Variants in FDFT1 observed in about 807,000 individuals in gnomAD.
The protein encoded by FDFT1 is squalene synthase.
Under a neutral mutation model 46.8 loss-of-function variants are expected in FDFT1, and 68 were observed. That is an observed-to-expected ratio of 1.45 (90% CI 1.19 to 1.78). The LOEUF is 1.78. Ranked by LOEUF, FDFT1 falls within the 40% of genes most tolerant of loss-of-function variation. The probability of loss-of-function intolerance (pLI) is 0.00; values close to 1 mark genes in which losing one functional copy is unlikely to be tolerated. For missense variants in FDFT1, 928 were observed against 524.4 expected, an observed-to-expected ratio of 1.77 and a Z score of -7.52; for synonymous variants, 351 against 185.1, an observed-to-expected ratio of 1.90 and a Z score of -7.28.
At chr8:11,810,775 C>T (rs578161480) in intron 3 of FDFT1, among the ~76,000 whole-genome samples, 1 of 151,792 alleles carries the variant, frequency 6.6e-6, no homozygotes, top group African/African-American at 2.4e-5. Context: ...CTCGAAGAAG[C>T]CCTTTTTGTC....
At chr8:11,806,081 G>T (rs540490725) in intron 1 of FDFT1, among the ~76,000 whole-genome samples, 2 of 152,284 alleles carry the variant, frequency 1.3e-5, no homozygotes, top group African/African-American at 4.8e-5. Flanking sequence ...GCTCCGTGGA[G>T]GGCTGGTAGC....
intron 1 of FDFT1, chr8:11,808,440 C>A: frequency 7.9e-7 from 1 of 1,269,338 alleles, no homozygotes; most frequent in Non-Finnish European, 9.9e-7. Context: ...GAGGGCGAGC[C>A]CGTCCCGCCC....
intron 1 of FDFT1, chr8:11,808,221 G>A (rs1173118966): frequency 2.6e-6 from 3 of 1,165,520 alleles, no homozygotes; most frequent in Middle Eastern, 3.4e-4. Context: ...TTTCAGCGGA[G>A]CCCGAGTAGA....
At chr8:11,802,497 A>T, upstream of FDFT1, 3 of 495,772 alleles carry the variant, frequency 6.1e-6, no homozygotes, top group South Asian at 3.1e-5. Flanking sequence ...TCAGGGCACC[A>T]ATCCCGCTCG....
intron 3 of FDFT1, among the ~76,000 whole-genome samples, chr8:11,813,954 C>G (rs539858420): frequency 1.3e-5 from 2 of 152,188 alleles, no homozygotes; most frequent in East Asian, 3.8e-4. Context: ...TTGTCACTTT[C>G]TCCTGTATAT....
chr8:11,806,714 G>GAGCT (rs1407041036), intron 1 of FDFT1, among the ~76,000 whole-genome samples: 1 of 152,158 alleles, frequency 6.6e-6, no homozygotes, highest in African/African-American at 2.4e-5. Flanking sequence ...GCTATGTGAA[G>GAGCT]AGCTGCTCTG....
chr8:11,797,954 C>G (rs148984820), upstream of FDFT1: 1 of 152,338 alleles, frequency 6.6e-6, no homozygotes, highest in South Asian at 2.1e-4. Context: ...GATGTAGATG[C>G]CAAATGGCAA....
chr8:11,820,964 G>C (rs1809156339), intron 3 of FDFT1, among the ~76,000 whole-genome samples: 1 of 152,242 alleles, frequency 6.6e-6, no homozygotes, highest in Non-Finnish European at 1.5e-5. Flanking sequence ...CTTGCTGGGA[G>C]CTGTAGACCA....
chr8:11,800,340 G>GA (rs75154361), upstream of FDFT1, among the ~76,000 whole-genome samples: 25,963 of 146,436 alleles, frequency 0.18, 2,751 homozygotes, highest in East Asian at 0.5. Context: ...ACTTCCTGCA[G>GA]AAAGGGTACA....
At chr8:11,808,407 TCGGCCCAGCG>T (rs1807179122) in intron 1 of FDFT1, 1 of 1,237,132 alleles carries the variant, frequency 8.1e-7, no homozygotes, top group Non-Finnish European at 1.0e-6. Context: ...CCGTTGTGGG[TCGGCCCAGCG>T]CGTATTCGAG....
intron 1 of FDFT1, among the ~76,000 whole-genome samples, chr8:11,804,435 C>T (rs1806545556): frequency 6.6e-6 from 1 of 151,996 alleles, no homozygotes; most frequent in South Asian, 2.1e-4. Flanking sequence ...GAGACTTGAG[C>T]TATTCTAGCT....
At chr8:11,820,733 T>G (rs894436443) in intron 3 of FDFT1, among the ~76,000 whole-genome samples, 14 of 152,212 alleles carry the variant, frequency 9.2e-5, no homozygotes, top group Admixed American at 7.9e-4. Flanking sequence ...AAAAGCACAG[T>G]ATTTGGGCAG....
intron 1 of FDFT1, among the ~76,000 whole-genome samples, chr8:11,804,024 G>A (rs1176444500): frequency 6.6e-6 from 1 of 152,162 alleles, no homozygotes; most frequent in Non-Finnish European, 1.5e-5. Flanking sequence ...TTTAGATATA[G>A]CATTCATTTA....
rs891345168 is a variant in FDFT1, at chr8:11,812,754, C to G, written c.381+2904C>G. Among the ~76,000 whole-genome samples, 14 of 152,192 alleles carry G rather than the reference C, an allele frequency of 9.2e-5. 1 individual carries two copies. The highest frequency in any genetic ancestry group is 1.9e-4 in the Non-Finnish European group (13 of 68,040). On this transcript the variant is annotated intron_variant, in intron 3 of 7. Transcript: ENST00000220584. ...AATAAGCCTCAATACAGTGTTCTAA[C>G]CCAGTGACTTCCGCCTCGATGTACA...
chr8:11,808,315 C>T (rs1158898830), intron 1 of FDFT1: 68 of 1,230,988 alleles, frequency 5.5e-5, no homozygotes, highest in African/African-American at 1.1e-4. Flanking sequence ...CCAGTGGGTT[C>T]TGGTGAGAAG....
At position 11,802,947 on chromosome 8, in the gene FDFT1, C is replaced by A; in HGVS notation, c.99+16C>A. 1 of 1,587,930 alleles carries A rather than the reference C, an allele frequency of 6.3e-7. No individual in the cohort carries two copies. Among genetic ancestry groups the A allele is most frequent in the African/African-American group, 1.3e-5 (1 of 74,348 alleles). On this transcript the variant is annotated intron_variant, in intron 1 of 7. Transcript: ENST00000220584. ...GATGGACCAGGTGGGCCGAGCCTCC[C>A]TGCTTGCCCGGGGCGGGGAAGGAGC...
chr8:11,828,729 G>A (rs561773607), intron 5 of FDFT1, among the ~76,000 whole-genome samples: 1 of 152,382 alleles, frequency 6.6e-6, no homozygotes, highest in East Asian at 1.9e-4. Context: ...GCTTAGTAAA[G>A]GTTCTGGACA....
At chr8:11,797,366 C>T (rs918130184), upstream of FDFT1, among the ~76,000 whole-genome samples, 2 of 152,184 alleles carry the variant, frequency 1.3e-5, no homozygotes, top group Admixed American at 6.5e-5. Context: ...ACTGAGGGAG[C>T]TGGATTAGGG....
At chr8:11,805,461 C>G (rs1806713168) in intron 1 of FDFT1, among the ~76,000 whole-genome samples, 1 of 152,172 alleles carries the variant, frequency 6.6e-6, no homozygotes, top group African/African-American at 2.4e-5. Flanking sequence ...GGCTCCTGTC[C>G]AATCTAAATC....
Sources: gnomAD v4.1 joint callset for allele counts (sites outside exome capture counted in the v4.1 genomes callset) on GRCh38, gnomAD v4.1.1 for gene constraint, MANE v1.5 for transcripts, NCBI Gene and HGNC (gene_info 2026-07-23, HGNC 2026-07-21) for gene names.